Variants in ATP11B observed in about 807,000 individuals in gnomAD.
The protein encoded by ATP11B is ATPase phospholipid transporting 11B (putative), also known as phospholipid-transporting ATPase IF.
In ATP11B, 81 loss-of-function variants were observed where a neutral mutation model predicts 157.8. The observed-to-expected ratio is 0.51, with a 90% confidence interval of 0.43 to 0.62. ATP11B has a LOEUF of 0.62. Ranked by LOEUF, ATP11B falls within the 20% of genes least tolerant of loss-of-function variation. ATP11B has a pLI of 0.00. For missense variants in ATP11B, 1,165 were observed against 1,402.2 expected, an observed-to-expected ratio of 0.83 and a Z score of 2.70; for synonymous variants, 451 against 469.4, an observed-to-expected ratio of 0.96 and a Z score of 0.51.
chr3:182,866,183 C>A, intron 13 of ATP11B, 85 bp from the exon 14 acceptor site: 1 of 1,042,588 alleles, frequency 9.6e-7, no homozygotes, highest in Non-Finnish European at 1.3e-6. Flanking sequence ...CACTCTTGTT[C>A]TAGATCTTAG....
chr3:182,830,856 A>G lies in ATP11B; in HGVS notation c.315+1104A>G, dbSNP rs575890185. On this transcript the variant is annotated intron_variant, in intron 4 of 29. Coordinates refer to ENST00000323116, the MANE Select transcript of ATP11B (RefSeq NM_014616.3). ...TTCCATTGGAGATTAAAATGTGTGT[A>G]TATCAGTCGATATGCATTTAAATCA... Among the ~76,000 whole-genome samples, 7 of 152,324 alleles carry G rather than the reference A, an allele frequency of 4.6e-5. No homozygotes were observed. In the South Asian group the frequency reaches 1.0e-3, roughly 23 times the overall value.
rs565431726 is a variant in ATP11B at position 182,917,702 on chromosome 3, T to C, written c.3453-321T>C. On this transcript the variant is annotated intron_variant, in intron 29 of 29. Transcript: ENST00000323116. ...TTCAGTAAAACAATGTGCATAACTC[T>C]TAATAACATACTTCTTATTGAATTG... is the stretch of plus-strand genomic sequence containing the variant. 6 of 985,330 alleles carry C rather than the reference T, an allele frequency of 6.1e-6. No individual in the cohort carries two copies. The South Asian group carries it at 2.3e-4, about 39-fold the overall frequency. 61.0% of individuals were successfully genotyped at this position (985,330 alleles called of 1,614,324 possible). A position where few individuals can be genotyped will look rare whatever the true frequency, so the allele number is the denominator to read the frequency against.
In ATP11B at chr3:182,919,089, A is replaced by C. The variant is rs1266565186; in HGVS notation, c.*985A>C. The C allele has an allele frequency of 1.3e-5, 2 of 152,260 alleles. No individual in the cohort carries two copies. The highest frequency in any genetic ancestry group is 4.8e-5 in the African/African-American group (2 of 41,470). The allele number at this position is 152,260 out of a possible 1,614,324, so 9.4% of individuals were successfully genotyped here. A position where few individuals can be genotyped will look rare whatever the true frequency, so the allele number is the denominator to read the frequency against. ...TATTGCAAATATGTTTAATTATACA[A>C]ATCAGAATAGTATGGGTAATTAAAT... On this transcript the variant is annotated 3_prime_UTR_variant, in exon 30 of 30. Coordinates refer to ENST00000323116, the MANE Select transcript of ATP11B (RefSeq NM_014616.3).
intron 1 of ATP11B, among the ~76,000 whole-genome samples, chr3:182,815,250 C>T (rs1047117261): frequency 1.3e-5 from 2 of 152,108 alleles, no homozygotes; most frequent in Non-Finnish European, 2.9e-5. Flanking sequence ...AAGCAAAAAG[C>T]TGAGGTAAAT....
At chr3:182,831,263 A>G (rs1718118681) in intron 4 of ATP11B, among the ~76,000 whole-genome samples, 1 of 152,156 alleles carries the variant, frequency 6.6e-6, no homozygotes, top group Non-Finnish European at 1.5e-5. Flanking sequence ...AAGCCTTGAC[A>G]TCATCATCCT....
At chr3:182,823,707 G>A (rs948216146) in intron 2 of ATP11B, among the ~76,000 whole-genome samples, 18 of 152,154 alleles carry the variant, frequency 1.2e-4, no homozygotes, top group African/African-American at 4.1e-4. Flanking sequence ...ACCTTGGGCA[G>A]TATGGCCATT....
At chr3:182,866,008 T>A (rs886339006) in intron 13 of ATP11B, among the ~76,000 whole-genome samples, 2 of 152,202 alleles carry the variant, frequency 1.3e-5, no homozygotes, top group Non-Finnish European at 2.9e-5. Flanking sequence ...TATTTAATAC[T>A]TTTTGAGACC....
chr3:182,800,708 A>T (rs1715943254), intron 1 of ATP11B, among the ~76,000 whole-genome samples: 1 of 151,802 alleles, frequency 6.6e-6, no homozygotes, highest in Non-Finnish European at 1.5e-5. Context: ...TTTTTTGCTG[A>T]CTGGCTCACT....
chr3:182,829,579 A>T, intron 3 of ATP11B, 93 bp from the exon 4 acceptor site: 1 of 875,140 alleles, frequency 1.1e-6, no homozygotes. Flanking sequence ...GAACTAAAGT[A>T]TACTCACTGT....
chr3:182,797,883 G>A (rs1390493224), intron 1 of ATP11B, among the ~76,000 whole-genome samples: 1 of 151,938 alleles, frequency 6.6e-6, no homozygotes, highest in African/African-American at 2.4e-5. Flanking sequence ...ACTTGCATCT[G>A]TTGCTCATGT....
chr3:182,828,548 C>T (rs1052596874), intron 3 of ATP11B, among the ~76,000 whole-genome samples: 1 of 151,890 alleles, frequency 6.6e-6, no homozygotes, highest in Non-Finnish European at 1.5e-5. Context: ...TTCATATTTT[C>T]GGTACATTTC....
intron 25 of ATP11B, among the ~76,000 whole-genome samples, chr3:182,892,014 T>C (rs1424130158): frequency 1.3e-5 from 2 of 152,206 alleles, no homozygotes; most frequent in Non-Finnish European, 1.5e-5. Flanking sequence ...TTCATTGTTA[T>C]TTTTACTATT....
chr3:182,866,088 G>A (rs1049944400), intron 13 of ATP11B, among the ~76,000 whole-genome samples, 180 bp from the exon 14 acceptor site: 1 of 152,138 alleles, frequency 6.6e-6, no homozygotes, highest in Admixed American at 6.5e-5. Context: ...AGATGCTCAC[G>A]TGTTGAAGGG....
intron 1 of ATP11B, among the ~76,000 whole-genome samples, chr3:182,800,221 T>C (rs1231448920): frequency 6.6e-6 from 1 of 152,024 alleles, no homozygotes; most frequent in Non-Finnish European, 1.5e-5. Flanking sequence ...TTAGAAATTA[T>C]ATATATAATT....
At chr3:182,914,988 T>C (rs766817619) in intron 29 of ATP11B, 13 of 985,332 alleles carry the variant, frequency 1.3e-5, no homozygotes, top group Non-Finnish European at 1.4e-5. Context: ...ACTTTCTACA[T>C]GTGCCAGGGC....
Position 182,873,947 on chromosome 3 carries a change from C to T in ATP11B, c.2184C>T (p.Asn728=). 2 of 1,614,096 alleles carry T rather than the reference C, an allele frequency of 1.2e-6. No individual in the cohort carries two copies. Among genetic ancestry groups the T allele is most frequent in the Non-Finnish European group, 1.7e-6 (2 of 1,179,984 alleles). The stretch of plus-strand genomic sequence containing the variant: ...GTGGCCATTTTCATAGAACCATGAA[C>T]ATCCTTGAACTTATAAACCAGAAAT... The part of the protein sequence containing the change: ...LSCGHFHRTM[N]ILELINQKSD... Residue 728 remains asparagine, a synonymous_variant, in exon 19 of 30, where the codon AAC becomes AAT. Transcript: ENST00000323116.
rs1196228471 is a variant in ATP11B, at chr3:182,920,191, A to G, written c.*2087A>G. ...CAAGACAGGAGGTCAGCTCGCCTAT[A>G]ATGGTGCTTAAAGTGTGATTGATGT... On this transcript the variant is annotated 3_prime_UTR_variant, in exon 30 of 30. Coordinates refer to ENST00000323116, the MANE Select transcript of ATP11B (RefSeq NM_014616.3). 1 of 152,168 alleles carries G rather than the reference A, an allele frequency of 6.6e-6. No individual in the cohort carries two copies. The highest frequency in any genetic ancestry group is 1.5e-5 in the Non-Finnish European group (1 of 68,022). 9.4% of individuals were successfully genotyped at this position (152,168 alleles called of 1,614,324 possible). A position where few individuals can be genotyped will look rare whatever the true frequency, so the allele number is the denominator to read the frequency against.
At chr3:182,871,522 A>G (rs1312270436) in intron 17 of ATP11B, among the ~76,000 whole-genome samples, 1 of 152,212 alleles carries the variant, frequency 6.6e-6, no homozygotes, top group Non-Finnish European at 1.5e-5. Flanking sequence ...AGTATTTTTT[A>G]TAATGGCCAT....
intron 4 of ATP11B, among the ~76,000 whole-genome samples, chr3:182,830,287 C>G (rs1718033407): frequency 6.7e-6 from 1 of 150,020 alleles, no homozygotes; most frequent in Admixed American, 6.6e-5. Flanking sequence ...TATGTCACTG[C>G]ACTCCCACCT....
Sources: allele counts gnomAD v4.1 joint callset (sites outside exome capture counted in the v4.1 genomes callset), GRCh38; gene constraint gnomAD v4.1.1; transcripts MANE v1.5; gene names NCBI Gene and HGNC (gene_info 2026-07-23, HGNC 2026-07-21).